Variants in RPS6KC1 observed in about 807,000 individuals in gnomAD.
The protein encoded by RPS6KC1 is ribosomal protein S6 kinase C1.
Under a neutral mutation model 103.8 loss-of-function variants are expected in RPS6KC1, and 54 were observed. The observed-to-expected ratio is 0.52, with a 90% CI of 0.42 to 0.65. The LOEUF is 0.65. RPS6KC1 is among the 30% of genes least tolerant of loss of function. RPS6KC1 has a pLI of 0.00. For missense variants in RPS6KC1, 1,151 were observed against 1,253.8 expected, an observed-to-expected ratio of 0.92 and a Z score of 1.24; for synonymous variants, 439 against 438.7, an observed-to-expected ratio of 1.00 and a Z score of -0.01.
chr1:213,656,010 G>A, the RPS6KC1 span, among the ~76,000 whole-genome samples: 30 of 152,064 alleles, frequency 2.0e-4, no homozygotes, highest in Admixed American at 9.8e-4. Flanking sequence ...CAAATACTTC[G>A]TTTTTTTCTT....
chr1:213,256,552 C>CA (rs373923066), intron 12 of RPS6KC1, among the ~76,000 whole-genome samples: 88 of 150,568 alleles, frequency 5.8e-4, no homozygotes, highest in African/African-American at 1.9e-3. Context: ...AAAAAAGTCG[C>CA]AAAAAAAATC....
intron 6 of RPS6KC1, among the ~76,000 whole-genome samples, chr1:213,158,554 A>T (rs1268821586): frequency 6.6e-6 from 1 of 152,254 alleles, no homozygotes; most frequent in African/African-American, 2.4e-5. Flanking sequence ...AGGGAAAGCA[A>T]AGTTTAATTA....
chr1:213,765,143 A>G, the RPS6KC1 span, among the ~76,000 whole-genome samples: 1 of 152,176 alleles, frequency 6.6e-6, no homozygotes. Context: ...AACCCTGTTT[A>G]AGTCTGGATG....
the RPS6KC1 span, among the ~76,000 whole-genome samples, chr1:213,859,428 A>T: frequency 6.6e-6 from 1 of 152,244 alleles, no homozygotes; most frequent in Non-Finnish European, 1.5e-5. Context: ...TGAAGCTTCT[A>T]GGTCAAGCAA....
At chr1:213,658,045 G>A in the RPS6KC1 span, among the ~76,000 whole-genome samples, 1 of 152,184 alleles carries the variant, frequency 6.6e-6, no homozygotes, top group Admixed American at 6.5e-5. Flanking sequence ...TTTGGATTGG[G>A]ACAATCAAAT....
At chr1:213,724,253 A>G in the RPS6KC1 span, among the ~76,000 whole-genome samples, 3 of 152,112 alleles carry the variant, frequency 2.0e-5, no homozygotes, top group South Asian at 2.1e-4. Flanking sequence ...GCACCCGGCA[A>G]ATTTTCAGTG....
chr1:213,665,199 A>AAC, the RPS6KC1 span, among the ~76,000 whole-genome samples: 1 of 150,946 alleles, frequency 6.6e-6, no homozygotes, highest in Non-Finnish European at 1.5e-5. Flanking sequence ...AAACAAGCAA[A>AAC]AACAACAACA....
chr1:213,854,590 C>T, the RPS6KC1 span, among the ~76,000 whole-genome samples: 125 of 145,612 alleles, frequency 8.6e-4, no homozygotes, highest in African/African-American at 3.2e-3. Context: ...TTCTTTCTTT[C>T]TTTCTTTGAG....
At chr1:213,238,674 GGAAT>G (rs2094283019) in intron 10 of RPS6KC1, among the ~76,000 whole-genome samples, 1 of 152,136 alleles carries the variant, frequency 6.6e-6, no homozygotes, top group African/African-American at 2.4e-5. Flanking sequence ...AATTGGCCTA[GGAAT>G]GAATGAAGCT....
the RPS6KC1 span, among the ~76,000 whole-genome samples, chr1:213,441,677 T>A: frequency 2.0e-5 from 3 of 152,338 alleles, no homozygotes; most frequent in Non-Finnish European, 4.4e-5. Context: ...GACAAATGGA[T>A]CTCAGCAAAG....
At chr1:213,731,192 A>C in the RPS6KC1 span, among the ~76,000 whole-genome samples, 1 of 152,208 alleles carries the variant, frequency 6.6e-6, no homozygotes, top group Non-Finnish European at 1.5e-5. Context: ...TGATGCTTCC[A>C]GCTTTGCTCT....
chr1:213,494,673 A>G, the RPS6KC1 span, among the ~76,000 whole-genome samples: 18 of 152,202 alleles, frequency 1.2e-4, no homozygotes, highest in Admixed American at 2.0e-4. Flanking sequence ...TAACAGGATA[A>G]CAGAGAATGG....
chr1:213,448,206 G>T, the RPS6KC1 span, among the ~76,000 whole-genome samples: 2 of 140,168 alleles, frequency 1.4e-5, no homozygotes, highest in Non-Finnish European at 3.0e-5. Context: ...CTCCAGCCTG[G>T]GTGACAGAGT....
At chr1:213,283,283 G>A in the RPS6KC1 span, among the ~76,000 whole-genome samples, 1 of 152,162 alleles carries the variant, frequency 6.6e-6, no homozygotes, top group Admixed American at 6.5e-5. Flanking sequence ...GCTGTTGCTG[G>A]GAAGATAGCA....
At chr1:213,696,520 A>G in the RPS6KC1 span, among the ~76,000 whole-genome samples, 7 of 45,586 alleles carry the variant, frequency 1.5e-4, no homozygotes, top group South Asian at 1.1e-3. Flanking sequence ...AAAAAAAAAA[A>G]AAAAAAAAAG....
the RPS6KC1 span, among the ~76,000 whole-genome samples, chr1:213,848,257 CA>C: frequency 2.0e-5 from 3 of 152,072 alleles, no homozygotes; most frequent in Non-Finnish European, 2.9e-5. Flanking sequence ...AGAACATTTT[CA>C]AAATACCCCA....
chr1:213,205,410 A>G (rs1573259981), intron 8 of RPS6KC1: 1 of 982,684 alleles, frequency 1.0e-6, no homozygotes, highest in Non-Finnish European at 1.2e-6. Flanking sequence ...AAGCAGTTTG[A>G]GTCACTATGA....
chr1:213,572,557 A>G, the RPS6KC1 span, among the ~76,000 whole-genome samples: 2 of 152,250 alleles, frequency 1.3e-5, no homozygotes, highest in Non-Finnish European at 2.9e-5. Context: ...TAATAATGGA[A>G]AGGGCAGGTT....
the RPS6KC1 span, among the ~76,000 whole-genome samples, chr1:213,394,099 C>G: frequency 6.6e-6 from 1 of 152,060 alleles, no homozygotes; most frequent in Non-Finnish European, 1.5e-5. Context: ...GCTGGGTGAC[C>G]TCATGGCAGC....
Sources: allele counts gnomAD v4.1 joint callset (sites outside exome capture counted in the v4.1 genomes callset), GRCh38; gene constraint gnomAD v4.1.1; transcripts MANE v1.5; gene names NCBI Gene and HGNC (gene_info 2026-07-23, HGNC 2026-07-21).